GRID2: variants seen among roughly 807,000 people sequenced by gnomAD.
The protein encoded by GRID2 is glutamate ionotropic receptor delta type subunit 2.
GRID2 carries 33 observed loss-of-function variants against 114.8 expected under a neutral mutation model. That is an observed-to-expected ratio of 0.29 (90% CI 0.22 to 0.38). The LOEUF (loss-of-function observed/expected upper bound fraction) is 0.38, where lower values mean the gene tolerates loss of function less well. Ranked by LOEUF, GRID2 falls within the 10% of genes least tolerant of loss-of-function variation. The pLI is 1.00. For missense variants in GRID2, 1,184 were observed against 1,257.7 expected (o/e 0.94, Z 0.89); for synonymous variants, 505 against 449.9 (o/e 1.12, Z -1.55).
chr4:93,346,259 TA>T (rs1488743524), intron 8 of GRID2, among the ~76,000 whole-genome samples: 1 of 152,188 alleles, frequency 6.6e-6, no homozygotes, highest in Non-Finnish European at 1.5e-5. Context: ...TACAATTATA[TA>T]ATGAAAAGCA....
At chr4:93,414,050 C>T (rs116635078) in intron 9 of GRID2, among the ~76,000 whole-genome samples, 1,886 of 152,254 alleles carry the variant, frequency 0.012, 44 homozygotes, top group African/African-American at 0.043. Flanking sequence ...GATGCCTCCA[C>T]TGAGCACCTC....
At chr4:92,503,503 A>G (rs1474086074) in intron 1 of GRID2, among the ~76,000 whole-genome samples, 2 of 152,086 alleles carry the variant, frequency 1.3e-5, no homozygotes, top group Non-Finnish European at 2.9e-5. Flanking sequence ...ATGTCCCAAT[A>G]TTATTTGAAG....
chr4:92,623,736 A>G (rs1579707146), intron 2 of GRID2, among the ~76,000 whole-genome samples: 1 of 151,828 alleles, frequency 6.6e-6, no homozygotes, highest in African/African-American at 2.4e-5. Context: ...TAACACCCAC[A>G]GTCATGTTCC....
chr4:92,914,805 T>A (rs1307669853), intron 2 of GRID2, among the ~76,000 whole-genome samples: 1 of 152,186 alleles, frequency 6.6e-6, no homozygotes, highest in Non-Finnish European at 1.5e-5. Context: ...TACATTTTTT[T>A]AAATCCAGTC....
chr4:92,813,445 T>A (rs1740745175), intron 2 of GRID2, among the ~76,000 whole-genome samples: 1 of 152,150 alleles, frequency 6.6e-6, no homozygotes, highest in South Asian at 2.1e-4. Flanking sequence ...CTCCGTATGC[T>A]GTGGGGATTT....
At chr4:92,653,628 A>G (rs769647067) in intron 2 of GRID2, among the ~76,000 whole-genome samples, 2 of 152,180 alleles carry the variant, frequency 1.3e-5, no homozygotes, top group Middle Eastern at 6.8e-3. Flanking sequence ...AAATGAATTT[A>G]AATGTTCATT....
intron 2 of GRID2, among the ~76,000 whole-genome samples, chr4:92,804,209 C>A (rs1478136170): frequency 6.6e-6 from 1 of 151,940 alleles, no homozygotes. Flanking sequence ...AAGGTCATAT[C>A]ATTTTTTAGT....
At chr4:92,436,597 G>A (rs574727849) in intron 1 of GRID2, among the ~76,000 whole-genome samples, 2 of 151,944 alleles carry the variant, frequency 1.3e-5, no homozygotes, top group East Asian at 3.9e-4. Flanking sequence ...AGATAGTCTT[G>A]AACAAGTGCT....
At chr4:92,515,817 C>T (rs1724472792) in intron 1 of GRID2, among the ~76,000 whole-genome samples, 1 of 151,930 alleles carries the variant, frequency 6.6e-6, no homozygotes, top group African/African-American at 2.4e-5. Context: ...TTTTGTTTGT[C>T]GATGTTACCT....
At chr4:92,872,774 G>A (rs1429342945) in intron 2 of GRID2, among the ~76,000 whole-genome samples, 3 of 152,188 alleles carry the variant, frequency 2.0e-5, no homozygotes, top group Non-Finnish European at 2.9e-5. Context: ...TGGACCCAGG[G>A]CTTATATACC....
chr4:92,560,800 G>A (rs1468309527), intron 1 of GRID2, among the ~76,000 whole-genome samples: 3 of 152,044 alleles, frequency 2.0e-5, no homozygotes, highest in South Asian at 4.2e-4. Flanking sequence ...TCCACCTCCC[G>A]GGTACAAGTG....
downstream of GRID2, among the ~76,000 whole-genome samples, chr4:93,778,462 T>A (rs1734414194): frequency 7.0e-6 from 1 of 143,734 alleles, no homozygotes; most frequent in Non-Finnish European, 1.5e-5. Flanking sequence ...AGTGGCACGA[T>A]CTCGGCTCCC....
intron 2 of GRID2, among the ~76,000 whole-genome samples, chr4:92,942,820 C>T (rs531098518): frequency 3.5e-4 from 54 of 152,218 alleles, no homozygotes; most frequent in Admixed American, 2.4e-3. Context: ...ATTTCTCCTT[C>T]GCTTATGAAG....
chr4:92,335,464 G>A (rs1388513507), intron 1 of GRID2, among the ~76,000 whole-genome samples: 4 of 152,160 alleles, frequency 2.6e-5, no homozygotes, highest in Admixed American at 6.6e-5. Flanking sequence ...TCATTATTAT[G>A]ATTTATTTTT....
intron 5 of GRID2, among the ~76,000 whole-genome samples, chr4:93,212,522 G>A (rs768461798): frequency 2.0e-5 from 3 of 152,074 alleles, no homozygotes; most frequent in Admixed American, 6.6e-5. Context: ...CCCTGAAGCA[G>A]ATGGCTTAAC....
intron 4 of GRID2, among the ~76,000 whole-genome samples, chr4:93,181,336 T>C (rs911701516): frequency 5.3e-5 from 8 of 152,198 alleles, no homozygotes; most frequent in Admixed American, 2.6e-4. Flanking sequence ...ACAGATGTGC[T>C]GTCATCCAGG....
chr4:93,620,448 G>T (rs1004449913), intron 13 of GRID2, among the ~76,000 whole-genome samples: 1 of 152,172 alleles, frequency 6.6e-6, no homozygotes, highest in Admixed American at 6.5e-5. Context: ...GTAGCGATAA[G>T]TCTGTTTGTG....
At chr4:93,158,623 CCA>C (rs138037468) in intron 4 of GRID2, among the ~76,000 whole-genome samples, 2 of 151,284 alleles carry the variant, frequency 1.3e-5, no homozygotes, top group Non-Finnish European at 3.0e-5. Context: ...GATTTTAAAA[CCA>C]CACACACACA....
chr4:93,530,219 C>T (rs1328169103), intron 13 of GRID2, among the ~76,000 whole-genome samples: 1 of 152,132 alleles, frequency 6.6e-6, no homozygotes, highest in Non-Finnish European at 1.5e-5. Context: ...CTTCCCTCAG[C>T]ATAGCACTGA....
Sources: allele counts gnomAD v4.1 joint callset (sites outside exome capture counted in the v4.1 genomes callset), GRCh38; gene constraint gnomAD v4.1.1; transcripts MANE v1.5; gene names NCBI Gene and HGNC (gene_info 2026-07-23, HGNC 2026-07-21).